Variants in NRXN3 observed in about 807,000 individuals in gnomAD.
NRXN3 encodes neurexin III.
A neutral mutation model predicts 137.6 loss-of-function variants in NRXN3; 32 were observed. The ratio of observed to expected loss-of-function variants is 0.23; its 90% CI spans 0.18 to 0.31. The LOEUF (loss-of-function observed/expected upper bound fraction) is 0.31. NRXN3 is among the 10% of genes least tolerant of loss of function. The probability of loss-of-function intolerance (pLI) is 1.00; values close to 1 mark genes in which losing one functional copy is unlikely to be tolerated. For synonymous variants in NRXN3, 798 were observed against 784.5 expected (o/e 1.02, Z -0.29); for missense variants, 1,574 against 2,062.5 (o/e 0.76, Z 4.59).
At position 78,432,162 on chromosome 14, in the gene NRXN3, C is replaced by T. The variant is rs540371524; in HGVS notation, c.757+134302C>T. 1.6e-3 allele frequency among the ~76,000 whole-genome samples: 242 copies of T among 152,258 alleles called. 1 individual carries two copies. The highest frequency in any genetic ancestry group is 1.4e-3 in the Non-Finnish European group (96 of 68,026). Reference sequence around the variant, plus strand: ...TTTGTTTCTGAAAGTTGTATCCTAACGTTGGCATATTCAGAACACCAGTCA... The same window carrying T: ...TTTGTTTCTGAAAGTTGTATCCTAATGTTGGCATATTCAGAACACCAGTCA... On this transcript the variant is annotated intron_variant, in intron 4 of 20. Coordinates refer to ENST00000335750, the MANE Select transcript of NRXN3 (RefSeq NM_001330195.2).
chr14:79,381,423 T>C (rs74069763), intron 15 of NRXN3, among the ~76,000 whole-genome samples: 7,327 of 152,186 alleles, frequency 0.048, 358 homozygotes, highest in East Asian at 0.21. Flanking sequence ...AATTCTCCAT[T>C]ATCATCAGAA....
intron 4 of NRXN3, among the ~76,000 whole-genome samples, chr14:78,514,688 A>C (rs1599726777): frequency 6.6e-6 from 1 of 152,266 alleles, no homozygotes; most frequent in East Asian, 1.9e-4. Context: ...GGAGACAAAC[A>C]ATTAAAAACA....
intron 16 of NRXN3, among the ~76,000 whole-genome samples, chr14:79,563,392 G>A (rs1219596720): frequency 6.6e-6 from 1 of 152,018 alleles, no homozygotes. Context: ...AGGGACACCC[G>A]TTGTTGGTGT....
At chr14:78,405,250 A>G (rs910071142) in intron 4 of NRXN3, among the ~76,000 whole-genome samples, 1 of 152,168 alleles carries the variant, frequency 6.6e-6, no homozygotes, top group Non-Finnish European at 1.5e-5. Flanking sequence ...CAAAGGGCAG[A>G]TAACAGTCAT....
At chr14:79,120,591 G>T (rs549213899) in intron 15 of NRXN3, among the ~76,000 whole-genome samples, 1 of 152,122 alleles carries the variant, frequency 6.6e-6, no homozygotes, top group African/African-American at 2.4e-5. Context: ...TATTCACCAT[G>T]TGTACATATA....
At chr14:79,055,739 G>C (rs2099659375) in intron 15 of NRXN3, among the ~76,000 whole-genome samples, 1 of 152,112 alleles carries the variant, frequency 6.6e-6, no homozygotes, top group South Asian at 2.1e-4. Flanking sequence ...TTAGGTCCTG[G>C]ATAAATAAAT....
chr14:78,182,087 T>G, intron 1 of NRXN3, among the ~76,000 whole-genome samples: 1 of 131,872 alleles, frequency 7.6e-6, no homozygotes, highest in East Asian at 2.5e-4. Context: ...CACTGAGAAT[T>G]AGAGAGACCT....
chr14:79,711,397 T>TTTTAA (rs1051303364), intron 19 of NRXN3, among the ~76,000 whole-genome samples: 2 of 152,056 alleles, frequency 1.3e-5, no homozygotes, highest in African/African-American at 4.8e-5. Context: ...TAATTTCACA[T>TTTTAA]TTTAATTTAT....
intron 8 of NRXN3, among the ~76,000 whole-genome samples, chr14:78,757,267 G>T (rs149060987): frequency 2.0e-5 from 3 of 152,012 alleles, no homozygotes; most frequent in Non-Finnish European, 2.9e-5. Context: ...GAAATTAGCC[G>T]AATGTGGCAA....
chr14:78,839,935 G>A (rs1350553120), intron 10 of NRXN3, among the ~76,000 whole-genome samples: 1 of 152,128 alleles, frequency 6.6e-6, no homozygotes, highest in Non-Finnish European at 1.5e-5. Flanking sequence ...ATGTTTTTAT[G>A]CTTCCTTTAT....
intron 15 of NRXN3, among the ~76,000 whole-genome samples, chr14:79,275,761 A>G (rs1479598762): frequency 6.6e-6 from 1 of 151,688 alleles, no homozygotes; most frequent in African/African-American, 2.4e-5. Context: ...AAGCAAGAGG[A>G]GAAGGTTTAT....
chr14:79,699,137 A>G (rs1182734200), intron 19 of NRXN3, among the ~76,000 whole-genome samples: 1 of 151,980 alleles, frequency 6.6e-6, no homozygotes, highest in Non-Finnish European at 1.5e-5. Context: ...TGGTTAGCAT[A>G]GTACTGTTAC....
chr14:79,452,337 C>T (rs2096188145), intron 15 of NRXN3, among the ~76,000 whole-genome samples: 1 of 152,074 alleles, frequency 6.6e-6, no homozygotes, highest in Non-Finnish European at 1.5e-5. Context: ...TAAAAAGAGA[C>T]TGGTGTGTCT....
chr14:79,611,435 T>TA (rs1302247606), intron 16 of NRXN3: 1 of 152,078 alleles, frequency 6.6e-6, no homozygotes, highest in Non-Finnish European at 1.5e-5. Flanking sequence ...CCGTCTCCAC[T>TA]AAAAATACAA....
intron 4 of NRXN3, among the ~76,000 whole-genome samples, chr14:78,335,345 C>G (rs1017735683): frequency 4.6e-5 from 7 of 152,178 alleles, no homozygotes; most frequent in African/African-American, 1.7e-4. Flanking sequence ...GGCACTCTGT[C>G]AGCTCTTTTA....
chr14:78,870,201 A>T (rs1201213153), intron 10 of NRXN3, among the ~76,000 whole-genome samples: 3 of 152,208 alleles, frequency 2.0e-5, no homozygotes, highest in Non-Finnish European at 4.4e-5. Context: ...TGAGCCTAGG[A>T]GAAGGTAGAG....
chr14:79,011,571 T>A lies in NRXN3; in HGVS notation c.3262+23430T>A, dbSNP rs180891518. ...TTTGAAAATTTTGGACACTCCTTTT[T>A]CAACCTTCTTGCAATAAACTGTATT... On this transcript the variant is annotated intron_variant, in intron 15 of 20. Transcript: ENST00000335750. Among the ~76,000 whole-genome samples, 685 of 152,228 alleles carry A rather than the reference T, an allele frequency of 4.5e-3. 5 individuals are homozygous for A. The highest frequency in any genetic ancestry group is 0.015 in the African/African-American group (642 of 41,528).
chr14:79,740,517 T>TGC (rs2154079078), intron 19 of NRXN3, among the ~76,000 whole-genome samples: 1 of 151,622 alleles, frequency 6.6e-6, no homozygotes, highest in Non-Finnish European at 1.5e-5. Context: ...TCAATGAATG[T>TGC]GCCTGCCACT....
At chr14:78,779,740 T>C (rs1485842286) in intron 8 of NRXN3, among the ~76,000 whole-genome samples, 1 of 152,138 alleles carries the variant, frequency 6.6e-6, no homozygotes, top group Non-Finnish European at 1.5e-5. Context: ...GTAAGGAAGC[T>C]AAGAATAATC....
Sources: allele counts gnomAD v4.1 joint callset (sites outside exome capture counted in the v4.1 genomes callset), GRCh38; gene constraint gnomAD v4.1.1; transcripts MANE v1.5; gene names NCBI Gene and HGNC (gene_info 2026-07-23, HGNC 2026-07-21).